BTBD3: variants seen among roughly 807,000 people sequenced by gnomAD.
The protein encoded by BTBD3 is BTB domain containing 3.
Under a neutral mutation model 41.6 loss-of-function variants are expected in BTBD3, and 14 were observed. The observed-to-expected ratio is 0.34, with a 90% confidence interval of 0.22 to 0.53. The LOEUF is 0.53. Ranked by LOEUF, BTBD3 falls within the 20% of genes least tolerant of loss-of-function variation. The pLI, the probability that BTBD3 is intolerant of heterozygous loss-of-function variation, is 0.95. For missense variants in BTBD3, 426 were observed against 654.7 expected (o/e 0.65, Z 3.81); for synonymous variants, 249 against 233.7 (o/e 1.07, Z -0.60).
Position 11,925,460 on chromosome 20 carries a change from T to C in BTBD3, c.*1794T>C, listed in dbSNP as rs1349326480. 6.5e-6 allele frequency: 1 copy of C among 152,694 alleles called. No individual in the cohort carries two copies. Among genetic ancestry groups the C allele is most frequent in the Admixed American group, 6.5e-5 (1 of 15,284 alleles). The allele number at this position is 152,694 out of a possible 1,614,324, so 9.5% of individuals were successfully genotyped here. On this transcript the variant is annotated 3_prime_UTR_variant, in exon 4 of 4. Transcript: ENST00000378226. ...GGAAATGTTTTAATCACTCTTGCCA[T>C]TACCTACATCTATTAGCATAGATGA...
intron 1 of BTBD3, chr20:11,918,880 T>C (rs1416197210): frequency 3.5e-6 from 2 of 572,752 alleles, no homozygotes; most frequent in Non-Finnish European, 6.0e-6. Flanking sequence ...ATTAAAAGTT[T>C]GTATAACTTT....
intron 1 of BTBD3, among the ~76,000 whole-genome samples, chr20:11,904,060 C>T (rs994829094): frequency 2.6e-5 from 4 of 152,128 alleles, no homozygotes; most frequent in African/African-American, 4.8e-5. Context: ...AAAAAGTTGG[C>T]CCTGATCTTG....
chr20:11,918,367 A>G lies in BTBD3; in HGVS notation c.92A>G (p.Lys31Arg), dbSNP rs1395615969. The change falls in exon 1 of 4, where the codon AAG (lysine) becomes AGG (arginine). Residue 31 changes from lysine (K) to arginine (R), a missense_variant. By Grantham distance (26) the Lys-to-Arg change is conservative. Coordinates refer to ENST00000378226, the MANE Select transcript of BTBD3 (RefSeq NM_014962.4). ...AAGAACAGGTCCAAGAAAAGCTCAA[A>G]GAAAGCAAATACCAGCAGCAGCAGT... ...TVKNRSKKSS[K>R]KANTSSSSSN... The G allele has an allele frequency of 6.2e-7, 1 of 1,614,178 alleles. No homozygotes were observed. The highest frequency in any genetic ancestry group is 1.7e-5 in the Admixed American group (1 of 60,018).
At chr20:11,903,585 G>A (rs536088110) in intron 1 of BTBD3, among the ~76,000 whole-genome samples, 8 of 152,074 alleles carry the variant, frequency 5.3e-5, no homozygotes, top group Non-Finnish European at 1.2e-4. Flanking sequence ...TTGAACAGAT[G>A]GAAGATTAGC....
intron 1 of BTBD3, among the ~76,000 whole-genome samples, chr20:11,905,336 G>A (rs1317706209): frequency 6.6e-6 from 1 of 150,666 alleles, no homozygotes; most frequent in African/African-American, 2.5e-5. Context: ...AGTTGTACAC[G>A]TGTTTTTTCT....
chr20:11,890,862 G>T lies in BTBD3; in HGVS notation c.-218G>T, dbSNP rs1248002569. The T allele has an allele frequency of 4.1e-6, 4 of 985,180 alleles. 1 individual carries two copies. Among genetic ancestry groups the T allele is most frequent in the Middle Eastern group, 1.0e-3 (2 of 1,932 alleles). 61.0% of individuals were successfully genotyped at this position (985,180 alleles called of 1,614,324 possible). Reference sequence around the variant, plus strand: ...GTGCCCGCCGAGCCCGCCGGGCGCTGGATCTCCGAGTGCCCCGGCCGGGGC... The same window carrying T: ...GTGCCCGCCGAGCCCGCCGGGCGCTTGATCTCCGAGTGCCCCGGCCGGGGC... On this transcript the variant is annotated 5_prime_UTR_variant, in exon 1 of 5. Coordinates refer to the BTBD3 transcript ENST00000254977.
At chr20:11,919,696 T>C (rs768869968) in intron 2 of BTBD3, 22 bp from the exon 3 acceptor site, 3 of 1,604,314 alleles carry the variant, frequency 1.9e-6, no homozygotes, top group South Asian at 2.2e-5. Context: ...GTGTATGAAA[T>C]AAGATTTCCC....
intron 1 of BTBD3, among the ~76,000 whole-genome samples, chr20:11,911,169 A>T (rs535508808): frequency 6.6e-6 from 1 of 152,062 alleles, no homozygotes; most frequent in South Asian, 2.1e-4. Context: ...TAATAGTTAC[A>T]CTCATGAGAT....
chr20:11,917,353 T>G (rs1454878968), upstream of BTBD3, among the ~76,000 whole-genome samples: 16 of 152,178 alleles, frequency 1.1e-4, no homozygotes, highest in Non-Finnish European at 1.5e-5. Context: ...TAGAAAACAT[T>G]GGGAGGTAAA....
At chr20:11,914,677 C>T (rs2056907952), upstream of BTBD3, among the ~76,000 whole-genome samples, 1 of 151,416 alleles carries the variant, frequency 6.6e-6, no homozygotes, top group Non-Finnish European at 1.5e-5. Flanking sequence ...ACCTTAAATG[C>T]CCTTAGAAAT....
At chr20:11,914,630 TAAAA>T (rs762502551), upstream of BTBD3, among the ~76,000 whole-genome samples, 2 of 149,650 alleles carry the variant, frequency 1.3e-5, no homozygotes, top group Admixed American at 6.6e-5. Flanking sequence ...ATAATAATAA[TAAAA>T]TAAAAAAAAA....
At chr20:11,915,585 T>C (rs2056912971), upstream of BTBD3, among the ~76,000 whole-genome samples, 1 of 152,148 alleles carries the variant, frequency 6.6e-6, no homozygotes, top group Non-Finnish European at 1.5e-5. Flanking sequence ...TAGATGCTGC[T>C]GCTGATCCTT....
At chr20:11,914,129 G>A (rs2056904413), upstream of BTBD3, among the ~76,000 whole-genome samples, 1 of 152,054 alleles carries the variant, frequency 6.6e-6, no homozygotes, top group South Asian at 2.1e-4. Context: ...AATGCCTATT[G>A]GAAAGAAATT....
At position 11,922,729 on chromosome 20, in the gene BTBD3, C is replaced by T. The variant is rs1725234812; in HGVS notation, c.632C>T (p.Ala211Val). Residue 211 changes from alanine to valine, a missense_variant, in exon 4 of 4, where the codon GCC (alanine) becomes GTC (valine). By Grantham distance (64) the Ala-to-Val change is moderately conservative. Coordinates refer to ENST00000378226, the MANE Select transcript of BTBD3 (RefSeq NM_014962.4). ...KKYIVPHLAR[A>V]CVNFLETSLS... ...TACATTGTCCCTCACCTTGCCAGAG[C>T]CTGTGTTAATTTCCTGGAGACCAGC... 1.9e-6 allele frequency: 3 copies of T among 1,614,216 alleles called. No homozygotes were observed. The highest frequency in any genetic ancestry group is 2.5e-6 in the Non-Finnish European group (3 of 1,180,044).
chr20:11,915,204 A>G (rs558156797), upstream of BTBD3, among the ~76,000 whole-genome samples: 5 of 152,260 alleles, frequency 3.3e-5, no homozygotes, highest in Admixed American at 2.6e-4. Flanking sequence ...CATCACTGTC[A>G]TTATCTTTTA....
At chr20:11,911,565 T>TA (rs34446930) in intron 1 of BTBD3, among the ~76,000 whole-genome samples, 8,894 of 151,854 alleles carry the variant, frequency 0.059, 394 homozygotes, top group Non-Finnish European at 0.097. Context: ...GCCCATGAGC[T>TA]AAAAAAATTG....
At chr20:11,894,809 G>A (rs1280515411) in intron 1 of BTBD3, among the ~76,000 whole-genome samples, 3 of 152,078 alleles carry the variant, frequency 2.0e-5, no homozygotes, top group African/African-American at 7.2e-5. Flanking sequence ...AATGGCCCCA[G>A]TGAAAAACTC....
chr20:11,924,460 GC>G lies in BTBD3; in HGVS notation c.*796del, dbSNP rs1351826288. The G allele has an allele frequency of 3.3e-5, 5 of 152,462 alleles. No homozygotes were observed. The highest frequency in any genetic ancestry group is 7.4e-5 in the Non-Finnish European group (5 of 68,016). The allele number at this position is 152,462 out of a possible 1,614,324, so 9.4% of individuals were successfully genotyped here. On this transcript the variant is annotated 3_prime_UTR_variant, in exon 4 of 4. Coordinates refer to ENST00000378226, the MANE Select transcript of BTBD3 (RefSeq NM_014962.4). ...TAAACTAAGACAGTTTAAAAAGGAA[GC>G]CTGAAAAAGACTCATACTACAAATA...
intron 1 of BTBD3, among the ~76,000 whole-genome samples, chr20:11,893,201 A>T (rs189180036): frequency 3.2e-4 from 48 of 152,316 alleles, no homozygotes; most frequent in African/African-American, 7.2e-4. Context: ...TGTGTTTTTT[A>T]AAAAATATTT....
Sources: allele counts gnomAD v4.1 joint callset (sites outside exome capture counted in the v4.1 genomes callset), GRCh38; gene constraint gnomAD v4.1.1; transcripts MANE v1.5; gene names NCBI Gene and HGNC (gene_info 2026-07-23, HGNC 2026-07-21).